DNHD1: variants seen among roughly 807,000 people sequenced by gnomAD.
The protein encoded by DNHD1 is dynein heavy chain domain 1, also known as dynein heavy chain domain-containing protein 1.
A neutral mutation model predicts 458.1 loss-of-function variants in DNHD1; 383 were observed. The observed-to-expected ratio is 0.84, with a 90% CI of 0.77 to 0.91. The LOEUF is 0.91. DNHD1 is among the 40% of genes least tolerant of loss of function. The pLI, the probability that DNHD1 is intolerant of heterozygous loss-of-function variation, is 0.00. For missense variants in DNHD1, 5,336 were observed against 5,866.1 expected, an observed-to-expected ratio of 0.91 and a Z score of 2.95; for synonymous variants, 2,203 against 2,376.9, an observed-to-expected ratio of 0.93 and a Z score of 2.13.
chr11:6,512,289 C>T (rs922059007), intron 7 of DNHD1, among the ~76,000 whole-genome samples: 2 of 134,230 alleles, frequency 1.5e-5, no homozygotes, highest in African/African-American at 2.9e-5. Context: ...GGCGGGATCT[C>T]GGCTCACTGC....
In DNHD1 at chr11:6,533,172, GT is replaced by G. The variant is rs1564811285; in HGVS notation, c.2494del (p.Cys832AlafsTer5). 1 of 1,551,484 alleles carries G rather than the reference GT, an allele frequency of 6.4e-7. No individual in the cohort carries two copies. The highest frequency in any genetic ancestry group is 1.2e-5 in the South Asian group (1 of 84,050). ...ACTCAGATATTCATGCCATTGCACAGTGCACCCAGAAGGTGGGCTCTCCCCA... is the reference window on the plus strand; with the variant it reads ...ACTCAGATATTCATGCCATTGCACAGGCACCCAGAAGGTGGGCTCTCCCCA... ...INSDIHAIAQCTQKLNEANEQ... is the reference protein window; with the variant it reads ...INSDIHAIAQXTQKLNEANEQ... On this transcript the variant is annotated frameshift_variant, in exon 13 of 43. Transcript: ENST00000254579. LOFTEE classifies it high-confidence loss of function.
chr11:6,538,304 G>A (rs762249710), intron 14 of DNHD1, 79 bp from the exon 15 acceptor site: 165 of 1,298,724 alleles, frequency 1.3e-4, no homozygotes, highest in Non-Finnish European at 1.4e-4. Context: ...CTGTCATTAT[G>A]GGCTCTTGAC....
intron 10 of DNHD1, among the ~76,000 whole-genome samples, chr11:6,528,014 A>T (rs917521660): frequency 6.6e-6 from 1 of 152,218 alleles, no homozygotes; most frequent in African/African-American, 2.4e-5. Context: ...GCTAGGTGTC[A>T]TATACAATTT....
chr11:6,543,985 AGG>A (rs869240418), intron 18 of DNHD1, 134 bp from the exon 19 acceptor site: 1 of 477,396 alleles, frequency 2.1e-6, no homozygotes, highest in Non-Finnish European at 3.4e-6. Flanking sequence ...AAAAAAAAAA[AGG>A]GAAAGAAAAA....
Position 6,570,877 on chromosome 11 carries a change from TCTG to T in DNHD1, c.13369_13371del (p.Leu4457del). ...ACCGGAGGCTGGAGTCACTGCAGGA[TCTG>T]CTGACCCACGTGATTCGCCAAGACG... On this transcript the variant is annotated inframe_deletion, in exon 42 of 43. Transcript: ENST00000254579. 4 of 1,613,956 alleles carry T rather than the reference TCTG, an allele frequency of 2.5e-6. No homozygotes were observed. The highest frequency in any genetic ancestry group is 3.4e-6 in the Non-Finnish European group (4 of 1,179,856).
intron 14 of DNHD1, 110 bp from the exon 15 acceptor site, chr11:6,538,273 T>C: frequency 3.1e-6 from 2 of 654,576 alleles, no homozygotes; most frequent in Non-Finnish European, 5.1e-6. Context: ...CCCCCAACCA[T>C]CACTTTCTGG....
At chr11:6,562,534 T>A (rs187778769) in intron 28 of DNHD1, among the ~76,000 whole-genome samples, 1 of 151,364 alleles carries the variant, frequency 6.6e-6, no homozygotes, top group Admixed American at 6.6e-5. Flanking sequence ...TCTGAAAAAA[T>A]TGATGAGGAA....
rs751859216 is a variant in DNHD1 at position 6,532,968 on chromosome 11, T to C, written c.2348-59T>C. The C allele has an allele frequency of 1.9e-4, 280 of 1,506,822 alleles. 2 individuals carry two copies. Among genetic ancestry groups the C allele is most frequent in the Middle Eastern group, 1.4e-3 (8 of 5,876 alleles). The allele number at this position is 1,506,822 out of a possible 1,614,324, so 93.3% of individuals were successfully genotyped here. A position where few individuals can be genotyped will look rare whatever the true frequency, so the allele number is the denominator to read the frequency against. ...CTACTCCCACTCTGGACCACAGCAC[T>C]GTCCCCAGCACCCCTTCTTTTTTAT... On this transcript the variant is annotated intron_variant, in intron 12 of 42. Transcript: ENST00000254579.
Position 6,544,841 on chromosome 11 carries a change from T to A in DNHD1, c.3902T>A (p.Ile1301Asn), listed in dbSNP as rs1165686603. The change falls in exon 21 of 43, where the codon ATC becomes AAC. Residue 1301 changes from isoleucine (I) to asparagine (N), a missense_variant. Physicochemically the swap from Ile to Asn is moderately radical, Grantham distance 149. Transcript: ENST00000254579. The stretch of plus-strand genomic sequence containing the variant: ...GACCAGTATCGAACCCTGATGCGCA[T>A]CTCTGTAGCTGACCCCATGGTTCTG... ...MDDQYRTLMRISVADPMVLSL... is the reference protein window; with the variant it reads ...MDDQYRTLMRNSVADPMVLSL... The A allele has an allele frequency of 3.9e-6, 6 of 1,551,536 alleles. No homozygotes were observed. Among genetic ancestry groups the A allele is most frequent in the Non-Finnish European group, 4.4e-6 (5 of 1,146,998 alleles).
At chr11:6,501,301 ATTT>A (rs5789468) in intron 3 of DNHD1, among the ~76,000 whole-genome samples, 24 of 144,700 alleles carry the variant, frequency 1.7e-4, no homozygotes, top group East Asian at 2.0e-4. Flanking sequence ...CTGGGTAGGG[ATTT>A]TTTTTTTTTT....
chr11:6,502,724 C>T, intron 3 of DNHD1, 29 bp from the exon 4 acceptor site: 1 of 1,551,144 alleles, frequency 6.4e-7, no homozygotes, highest in South Asian at 1.2e-5. Flanking sequence ...TTTACTCTGC[C>T]TTTTCTCTCC....
At chr11:6,509,705 A>G (rs896763708) in intron 6 of DNHD1, among the ~76,000 whole-genome samples, 1 of 151,952 alleles carries the variant, frequency 6.6e-6, no homozygotes, top group Non-Finnish European at 1.5e-5. Flanking sequence ...CTTGGATTCT[A>G]TTTTTCTTTT....
rs59300977 is a variant in DNHD1 at position 6,517,652 on chromosome 11, CTTTTTTTTTTTTTTTTTT to C, written c.1393-1931_1393-1914del. Among the ~76,000 whole-genome samples, 12 of 59,066 alleles carry C rather than the reference CTTTTTTTTTTTTTTTTTT, an allele frequency of 2.0e-4. No individual in the cohort carries two copies. In the East Asian group the frequency reaches 7.5e-3, roughly 37 times the overall value. 38.7% of individuals were successfully genotyped at this position (59,066 alleles called of 152,430 possible). On this transcript the variant is annotated intron_variant, in intron 7 of 42. Coordinates refer to ENST00000254579, the MANE Select transcript of DNHD1 (RefSeq NM_144666.3). ...ACAAATACTGTATGATCTAGGACTT[CTTTTTTTTTTTTTTTTTT>C]TTTTTTTTTTTTTTTTAAGGGCACT... is the stretch of plus-strand genomic sequence containing the variant.
In DNHD1 at chr11:6,539,911, A is replaced by G. The variant is rs775486492; in HGVS notation, c.3456A>G (p.Gln1152=). The stretch of plus-strand genomic sequence containing the variant: ...ATGAAAATGAACGAATTCATGCCCA[A>G]GAGACTATACGGCGGTTGCAGCGGT... ...WQNENERIHA[Q]ETIRRLQRYW... The change falls in exon 18 of 43, where the codon CAA becomes CAG. Residue 1152 remains glutamine, a synonymous_variant. Coordinates refer to ENST00000254579, the MANE Select transcript of DNHD1 (RefSeq NM_144666.3). 3.9e-6 allele frequency: 6 copies of G among 1,551,758 alleles called. No homozygotes were observed. The highest frequency in any genetic ancestry group is 5.2e-6 in the Non-Finnish European group (6 of 1,147,000).
At chr11:6,499,963 CG>C (rs1852102170) in intron 3 of DNHD1, among the ~76,000 whole-genome samples, 1 of 98,306 alleles carries the variant, frequency 1.0e-5, no homozygotes, top group South Asian at 3.8e-4. Flanking sequence ...CTCTAACTTT[CG>C]ATTTTTTTTT....
Position 6,557,329 on chromosome 11 carries a change from T to C in DNHD1, c.8034T>C (p.Ser2678=). 5 of 1,551,484 alleles carry C rather than the reference T, an allele frequency of 3.2e-6. No homozygotes were observed. The highest frequency in any genetic ancestry group is 3.5e-6 in the Non-Finnish European group (4 of 1,146,998). Residue 2678 remains serine (S), a synonymous_variant, in exon 25 of 43, where the codon AGT becomes AGC. Transcript: ENST00000254579. Reference sequence around the variant, plus strand: ...AGCTGCTCCTAGTAGTAGCTCAAAGTGTCTTCTGCTGTGGGCCAGGGCCCC... The same window carrying C: ...AGCTGCTCCTAGTAGTAGCTCAAAGCGTCTTCTGCTGTGGGCCAGGGCCCC... ...CAKLLLVVAQ[S]VFCCGPGPQH...
Position 6,570,881 on chromosome 11 carries a change from C to CTG in DNHD1, c.13370_13371dup (p.Thr4458Ter). On this transcript the variant is annotated frameshift_variant, in exon 42 of 43. Coordinates refer to ENST00000254579, the MANE Select transcript of DNHD1 (RefSeq NM_144666.3). LOFTEE classifies it high-confidence loss of function. ...GAGGCTGGAGTCACTGCAGGATCTG[C>CTG]TGACCCACGTGATTCGCCAAGACGA... 1 of 1,613,996 alleles carries CTG rather than the reference C, an allele frequency of 6.2e-7. No homozygotes were observed.
chr11:6,568,242 G>A lies in DNHD1; in HGVS notation c.12538G>A (p.Val4180Met), dbSNP rs1033991203. Residue 4180 changes from valine (V) to methionine (M), a missense_variant and splice_region_variant, in exon 37 of 43, where the codon GTG becomes ATG. Val to Met is a conservative substitution (Grantham distance 21). Transcript: ENST00000254579. ...GCTGGAACTGTTAGGCAGAGCCAAG[G>A]GTGAGTTTATTGCCTAGATTGGCTT... is the stretch of plus-strand genomic sequence containing the variant. ...LLLELLGRAK[V>M]VADLESEQLL... 1 of 1,547,812 alleles carries A rather than the reference G, an allele frequency of 6.5e-7. No individual in the cohort carries two copies. Among genetic ancestry groups the A allele is most frequent in the Non-Finnish European group, 8.7e-7 (1 of 1,143,926 alleles).
chr11:6,555,279 T>C (rs962202528), intron 24 of DNHD1, among the ~76,000 whole-genome samples: 1 of 151,946 alleles, frequency 6.6e-6, no homozygotes, highest in African/African-American at 2.4e-5. Flanking sequence ...TCAGGTGACA[T>C]GAGGATGGAG....
Sources: allele counts gnomAD v4.1 joint callset (sites outside exome capture counted in the v4.1 genomes callset), GRCh38; gene constraint gnomAD v4.1.1; transcripts MANE v1.5; gene names NCBI Gene and HGNC (gene_info 2026-07-23, HGNC 2026-07-21).